GDNF: variants seen among roughly 807,000 people sequenced by gnomAD.
The protein encoded by GDNF is glial cell line-derived neurotrophic factor.
In GDNF, 5 loss-of-function variants were observed where a neutral mutation model predicts 13.7. The observed-to-expected ratio is 0.36, with a 90% confidence interval of 0.19 to 0.77. GDNF has a LOEUF of 0.77. Among genes scored for constraint, GDNF ranks in the 30% least tolerant of loss-of-function variants. The probability of loss-of-function intolerance (pLI) is 0.51; values close to 1 mark genes in which losing one functional copy is unlikely to be tolerated. For synonymous variants in GDNF, 122 were observed against 112.5 expected (o/e 1.08, Z -0.53); for missense variants, 246 against 274.3 (o/e 0.90, Z 0.73).
chr5:37,834,126 T>A (rs1443992800), intron 2 of GDNF, among the ~76,000 whole-genome samples: 1 of 152,224 alleles, frequency 6.6e-6, no homozygotes, highest in Non-Finnish European at 1.5e-5. Flanking sequence ...CCCAGACGCT[T>A]GTTCTGGAAA....
chr5:37,835,837 G>A, intron 1 of GDNF: 1 of 655,434 alleles, frequency 1.5e-6, no homozygotes, highest in Non-Finnish European at 2.8e-6. Context: ...GAGGTGCTCT[G>A]GCACTGGAAG....
At position 37,815,305 on chromosome 5, in the gene GDNF, G is replaced by A. The variant is rs753233921; in HGVS notation, c.*346C>T. ...CAAGTGCATCCACCGCAACCGCGCCGGTAATCAGTGATGGTGGACTGTATC... is the reference window on the plus strand; with the variant it reads ...CAAGTGCATCCACCGCAACCGCGCCAGTAATCAGTGATGGTGGACTGTATC... On this transcript the variant is annotated 3_prime_UTR_variant, in exon 3 of 3. Coordinates refer to ENST00000326524, the MANE Select transcript of GDNF (RefSeq NM_000514.4). This position sits in a 1 kb window ranked among gnomAD's most constrained non-coding sequence, Gnocchi z 5.0. 1.6e-5 allele frequency: 6 copies of A among 368,984 alleles called. No individual in the cohort carries two copies. The highest frequency in any genetic ancestry group is 2.5e-5 in the Non-Finnish European group (5 of 197,100). 22.9% of individuals were successfully genotyped at this position (368,984 alleles called of 1,614,324 possible).
At position 37,812,762 on chromosome 5, in the gene GDNF, C is replaced by T. The variant is rs1256865408; in HGVS notation, c.*2889G>A. ...TCTGTAGAGAACTTTGGTTTTATAA[C>T]ACAAACGACCAAGACAGATCAGAGA... On this transcript the variant is annotated 3_prime_UTR_variant, in exon 3 of 3. Transcript: ENST00000326524. 2 of 152,212 alleles carry T rather than the reference C, an allele frequency of 1.3e-5. No individual in the cohort carries two copies. The highest frequency in any genetic ancestry group is 4.8e-5 in the African/African-American group (2 of 41,448). 9.4% of individuals were successfully genotyped at this position (152,212 alleles called of 1,614,324 possible).
intron 2 of GDNF, among the ~76,000 whole-genome samples, chr5:37,834,351 T>C (rs1419358490): frequency 6.6e-6 from 1 of 152,252 alleles, no homozygotes; most frequent in African/African-American, 2.4e-5. Context: ...TGTGTGTTTC[T>C]GAGGTGGTGG....
rs1750135049 is a variant in GDNF at position 37,821,419 on chromosome 5, A to G, written c.152-5284T>C. On this transcript the variant is annotated intron_variant, in intron 2 of 2. Coordinates refer to ENST00000326524, the MANE Select transcript of GDNF (RefSeq NM_000514.4). ...TTAACTTTAATAGTGAAATACTTGC[A>G]AACCACAAAAGAGGAGCATCATTAA... Among the ~76,000 whole-genome samples the G allele has an allele frequency of 2.6e-5, 4 of 152,218 alleles. No individual in the cohort carries two copies. The South Asian group carries it at 8.3e-4, about 32-fold the overall frequency.
In GDNF at chr5:37,814,545, C is replaced by G. The variant is rs1474957908; in HGVS notation, c.*1106G>C. 2 of 152,122 alleles carry G rather than the reference C, an allele frequency of 1.3e-5. No individual in the cohort carries two copies. The highest frequency in any genetic ancestry group is 2.4e-5 in the African/African-American group (1 of 41,414). 9.4% of individuals were successfully genotyped at this position (152,122 alleles called of 1,614,324 possible). A position where few individuals can be genotyped will look rare whatever the true frequency, so the allele number is the denominator to read the frequency against. ...TTTTAATACTTTGAAAAGCATGGACCCTTGTTCCCAATTCAAATTTCCTTT... is the reference window on the plus strand; with the variant it reads ...TTTTAATACTTTGAAAAGCATGGACGCTTGTTCCCAATTCAAATTTCCTTT... On this transcript the variant is annotated 3_prime_UTR_variant, in exon 3 of 3. Coordinates refer to ENST00000326524, the MANE Select transcript of GDNF (RefSeq NM_000514.4).
chr5:37,818,015 C>G (rs1350129089), intron 2 of GDNF, among the ~76,000 whole-genome samples: 1 of 152,242 alleles, frequency 6.6e-6, no homozygotes, highest in African/African-American at 2.4e-5. Context: ...TTTATTACCT[C>G]TGACCTCCTC....
rs1242665798 is a variant in GDNF at position 37,814,058 on chromosome 5, A to G, written c.*1593T>C. 2 of 152,350 alleles carry G rather than the reference A, an allele frequency of 1.3e-5. No homozygotes were observed. Among genetic ancestry groups the G allele is most frequent in the African/African-American group, 4.8e-5 (2 of 41,332 alleles). 9.4% of individuals were successfully genotyped at this position (152,350 alleles called of 1,614,324 possible). A position where few individuals can be genotyped will look rare whatever the true frequency, so the allele number is the denominator to read the frequency against. On this transcript the variant is annotated 3_prime_UTR_variant, in exon 3 of 3. Transcript: ENST00000326524. Reference sequence around the variant, plus strand: ...CCAGGGGTTGTACAGGACCTGGTAGACCCTACCTCTGGAAGGCCCCTGTGT... The same window carrying G: ...CCAGGGGTTGTACAGGACCTGGTAGGCCCTACCTCTGGAAGGCCCCTGTGT...
At chr5:37,835,426 C>A (rs971338871) in intron 1 of GDNF, 33 of 1,430,540 alleles carry the variant, frequency 2.3e-5, no homozygotes, top group Non-Finnish European at 3.0e-5. Context: ...ATTCTTCCCA[C>A]CTAAATAGGT....
intron 2 of GDNF, among the ~76,000 whole-genome samples, chr5:37,820,444 C>T (rs1750091733): frequency 6.6e-6 from 1 of 152,144 alleles, no homozygotes; most frequent in African/African-American, 2.4e-5. Context: ...TTGTCACAGG[C>T]TTTGTTTGCC....
intron 2 of GDNF, among the ~76,000 whole-genome samples, chr5:37,827,766 T>C (rs185118044): frequency 7.9e-5 from 12 of 152,338 alleles, no homozygotes; most frequent in Non-Finnish European, 1.5e-4. Flanking sequence ...AGTTTGATCA[T>C]TTTCCATGAA....
intron 1 of GDNF, chr5:37,835,481 T>G: frequency 6.8e-7 from 1 of 1,479,080 alleles, no homozygotes; most frequent in Non-Finnish European, 9.0e-7. Context: ...TGGAGACTTT[T>G]GGCCTGTATG....
chr5:37,831,689 G>A (rs930039771), intron 2 of GDNF, among the ~76,000 whole-genome samples: 1 of 152,164 alleles, frequency 6.6e-6, no homozygotes, highest in African/African-American at 2.4e-5. Context: ...AAGTTGCTTT[G>A]CCTCTTTAGG....
At chr5:37,821,140 A>G (rs1473177113) in intron 2 of GDNF, among the ~76,000 whole-genome samples, 2 of 152,124 alleles carry the variant, frequency 1.3e-5, no homozygotes, top group Non-Finnish European at 2.9e-5. Flanking sequence ...TCTGCAGAGG[A>G]TGCTGGGCAG....
At chr5:37,826,658 G>T (rs760002946) in intron 2 of GDNF, among the ~76,000 whole-genome samples, 1 of 152,228 alleles carries the variant, frequency 6.6e-6, no homozygotes, top group Non-Finnish European at 1.5e-5. Flanking sequence ...GAGGCACCTG[G>T]CCCTCTGGGG....
chr5:37,824,493 T>C (rs955357101), intron 2 of GDNF: 2 of 152,200 alleles, frequency 1.3e-5, no homozygotes, highest in African/African-American at 4.8e-5. Flanking sequence ...CAGGAACCTC[T>C]AAAATGTGCA....
intron 2 of GDNF, among the ~76,000 whole-genome samples, chr5:37,829,006 A>G (rs933457841): frequency 6.6e-6 from 1 of 152,280 alleles, no homozygotes; most frequent in African/African-American, 2.4e-5. Context: ...CTTTGAAGCA[A>G]GATCCCGCCT....
rs574770035 is a variant in GDNF, at chr5:37,837,662, G to A, written c.-27+1845C>T. On this transcript the variant is annotated intron_variant, in intron 1 of 2. Transcript: ENST00000326524. This position sits in a 1 kb window ranked among gnomAD's most constrained non-coding sequence, Gnocchi z 6.5. ...ACCGGAGAACCACCACTCCCTCTAC[G>A]AGCCTCCCGAAATCCCATTAGCCCG... Among the ~76,000 whole-genome samples, 2 of 152,302 alleles carry A rather than the reference G, an allele frequency of 1.3e-5. No individual in the cohort carries two copies. The highest frequency in any genetic ancestry group is 4.8e-5 in the African/African-American group (2 of 41,570).
chr5:37,834,691 G>T lies in GDNF; in HGVS notation c.106C>A (p.Arg36Ser), dbSNP rs1480928476. ...KRPPEAPAED[R>S]SLGRRRAPFA... ...GGCGCGCGGCGGCGGCCGAGGGAGC[G>T]GTCTTCGGCGGGCGCCTCGGGAGGC... Residue 36 changes from arginine to serine, a missense_variant, in exon 2 of 3, where the codon CGC becomes AGC. Physicochemically the swap from Arg to Ser is moderately radical, Grantham distance 110 (BLOSUM62 -1). Transcript: ENST00000326524. 6.2e-7 allele frequency: 1 copy of T among 1,608,724 alleles called. No individual in the cohort carries two copies. The highest frequency in any genetic ancestry group is 1.7e-5 in the Admixed American group (1 of 59,748).
Sources: allele counts gnomAD v4.1 joint callset (sites outside exome capture counted in the v4.1 genomes callset), GRCh38; gene constraint gnomAD v4.1.1; non-coding constraint Gnocchi (gnomAD v3.1); transcripts MANE v1.5; gene names NCBI Gene and HGNC (gene_info 2026-07-23, HGNC 2026-07-21).